CSMD2: variants seen among roughly 807,000 people sequenced by gnomAD.
The protein encoded by CSMD2 is CUB and sushi domain-containing protein 2.
A neutral mutation model predicts 398.5 loss-of-function variants in CSMD2; 130 were observed. The ratio of observed to expected loss-of-function variants is 0.33; its 90% CI spans 0.28 to 0.38. The LOEUF (loss-of-function observed/expected upper bound fraction) is 0.38. Ranked by LOEUF, CSMD2 falls within the 10% of genes least tolerant of loss-of-function variation. CSMD2 has a pLI of 1.00. For missense variants in CSMD2, 3,829 were observed against 4,764.9 expected, an observed-to-expected ratio of 0.80 and a Z score of 5.78; for synonymous variants, 1,828 against 1,908.5, an observed-to-expected ratio of 0.96 and a Z score of 1.10.
intron 13 of CSMD2, among the ~76,000 whole-genome samples, chr1:33,756,859 T>G (rs867350912): frequency 1.8e-3 from 268 of 152,234 alleles, no homozygotes; most frequent in Non-Finnish European, 2.5e-3. Flanking sequence ...CATGCACACG[T>G]ATGTTTATTG....
chr1:34,054,373 C>T (rs768451338), intron 2 of CSMD2, among the ~76,000 whole-genome samples: 1 of 152,124 alleles, frequency 6.6e-6, no homozygotes, highest in African/African-American at 2.4e-5. Flanking sequence ...AGAGAACTTG[C>T]ACTAAAGACA....
chr1:33,644,903 C>A (rs999158540), intron 29 of CSMD2, among the ~76,000 whole-genome samples: 2 of 152,114 alleles, frequency 1.3e-5, no homozygotes, highest in African/African-American at 4.8e-5. Flanking sequence ...CCTAGGCCAG[C>A]CCCGTGAGGC....
At chr1:33,665,780 ATTCTCCCAACACCTATCTAAAGTAGCCTC>A (rs1644290000) in intron 25 of CSMD2, among the ~76,000 whole-genome samples, 1 of 151,830 alleles carries the variant, frequency 6.6e-6, no homozygotes, top group Non-Finnish European at 1.5e-5. Context: ...TTGACACTCA[ATTCTCCCAACACCTATCTAAAGTAGCCTC>A]TTCCACACTT....
At chr1:34,008,461 A>G (rs1032115853) in intron 3 of CSMD2, among the ~76,000 whole-genome samples, 80 of 152,200 alleles carry the variant, frequency 5.3e-4, no homozygotes, top group African/African-American at 1.9e-3. Flanking sequence ...CTGTGAGTCA[A>G]TACAAAGAAC....
At chr1:33,657,604 G>A (rs944771372) in intron 27 of CSMD2, among the ~76,000 whole-genome samples, 1 of 152,168 alleles carries the variant, frequency 6.6e-6, no homozygotes, top group Non-Finnish European at 1.5e-5. Context: ...GGGTCATTTC[G>A]GAATCTGTTA....
intron 1 of CSMD2, among the ~76,000 whole-genome samples, chr1:34,136,113 T>A (rs1638729276): frequency 6.6e-6 from 1 of 152,216 alleles, no homozygotes; most frequent in Admixed American, 6.5e-5. Flanking sequence ...CTGAAGACTA[T>A]CCAGGCCCTG....
chr1:33,836,547 C>A (rs1409606825), intron 6 of CSMD2, among the ~76,000 whole-genome samples: 1 of 152,216 alleles, frequency 6.6e-6, no homozygotes, highest in African/African-American at 2.4e-5. Flanking sequence ...TTTACCTACT[C>A]AAGCCTCAGC....
intron 13 of CSMD2, among the ~76,000 whole-genome samples, chr1:33,761,439 G>A (rs1176754724): frequency 1.3e-5 from 2 of 152,142 alleles, no homozygotes; most frequent in South Asian, 2.1e-4. Context: ...TATTAATCTG[G>A]TCAGCCAGAC....
Position 33,846,898 on chromosome 1 carries a change from C to G in CSMD2, c.1019G>C (p.Ser340Thr). Residue 340 changes from serine to threonine, a missense_variant, in exon 6 of 71, where the codon AGT becomes ACT. Ser to Thr is a moderately conservative substitution (Grantham distance 58). Coordinates refer to ENST00000373381, the MANE Select transcript of CSMD2 (RefSeq NM_001281956.2). Reference protein sequence around the residue: ...SDGNHRQRGFSAQYQVKKQIE... With the variant: ...SDGNHRQRGFTAQYQVKKQIE... Reference sequence around the variant, plus strand: ...GACCTGCCTACCTTGGTATTGGGCACTGAATCCGCGCTGCCGGTGGTTGCC... The same window carrying G: ...GACCTGCCTACCTTGGTATTGGGCAGTGAATCCGCGCTGCCGGTGGTTGCC... The G allele has an allele frequency of 6.2e-7, 1 of 1,602,840 alleles. No homozygotes were observed. The highest frequency in any genetic ancestry group is 8.5e-7 in the Non-Finnish European group (1 of 1,173,920).
At chr1:33,769,337 G>A (rs191801422) in intron 13 of CSMD2, among the ~76,000 whole-genome samples, 2 of 152,292 alleles carry the variant, frequency 1.3e-5, no homozygotes, top group East Asian at 3.9e-4. Flanking sequence ...CCAATGCATG[G>A]TGCTCAGCAC....
At chr1:33,572,402 T>C (rs1171651479) in intron 50 of CSMD2, 104 bp downstream of exon 50, 3 of 1,054,046 alleles carry the variant, frequency 2.8e-6, no homozygotes, top group Non-Finnish European at 4.0e-6. Flanking sequence ...TTTTTTTTTT[T>C]TTTTCCCCCT....
intron 3 of CSMD2, among the ~76,000 whole-genome samples, chr1:33,996,216 T>C (rs735233): frequency 0.043 from 6,590 of 152,268 alleles, 490 homozygotes; most frequent in African/African-American, 0.15. Context: ...GCAATCACCA[T>C]GCCCTCTGGC....
At position 33,623,474 on chromosome 1, in the gene CSMD2, G is replaced by A. The variant is rs372557885; in HGVS notation, c.5626-8C>T. On this transcript the variant is annotated splice_region_variant and splice_polypyrimidine_tract_variant and intron_variant, in intron 35 of 70. Transcript: ENST00000373381. ...AAAACTGACAACTTGGATCTGGGAA[G>A]GGAGAAGAGTGAATTGTTGGTTAGG... 4.3e-6 allele frequency: 7 copies of A among 1,610,740 alleles called. No individual in the cohort carries two copies. In the African/African-American group the frequency reaches 9.4e-5, roughly 22 times the overall value.
chr1:33,617,424 C>T, intron 38 of CSMD2, 75 bp downstream of exon 38: 1 of 1,105,476 alleles, frequency 9.0e-7, no homozygotes, highest in African/African-American at 1.5e-5. Flanking sequence ...GTGACTGTAG[C>T]TCTGCTGGTG....
At chr1:33,970,903 T>G (rs1443624339) in intron 3 of CSMD2, among the ~76,000 whole-genome samples, 1 of 152,224 alleles carries the variant, frequency 6.6e-6, no homozygotes, top group Non-Finnish European at 1.5e-5. Context: ...ACCAACCATG[T>G]GCATTGTTGC....
intron 5 of CSMD2, among the ~76,000 whole-genome samples, chr1:33,874,676 CAG>C (rs1266567809): frequency 6.6e-6 from 1 of 152,164 alleles, no homozygotes; most frequent in Admixed American, 6.5e-5. Context: ...GGTTAGCACC[CAG>C]AGAGTTTGAT....
At chr1:33,789,892 T>G (rs113983543) in intron 11 of CSMD2, among the ~76,000 whole-genome samples, 445 of 152,306 alleles carry the variant, frequency 2.9e-3, no homozygotes, top group South Asian at 9.1e-3. Flanking sequence ...TTGACCCAAT[T>G]ACAGCACCAG....
intron 60 of CSMD2, 146 bp downstream of exon 60, chr1:33,540,379 C>G: frequency 1.4e-6 from 1 of 735,030 alleles, no homozygotes; most frequent in Non-Finnish European, 2.2e-6. Context: ...ACTTCCTTCC[C>G]TCTTTAATAG....
At chr1:33,669,768 A>C (rs746400419) in intron 25 of CSMD2, among the ~76,000 whole-genome samples, 1 of 152,228 alleles carries the variant, frequency 6.6e-6, no homozygotes. Context: ...GGTGGGCCGT[A>C]AATCCAATGA....
Sources: gnomAD v4.1 joint callset for allele counts (sites outside exome capture counted in the v4.1 genomes callset) on GRCh38, gnomAD v4.1.1 for gene constraint, MANE v1.5 for transcripts, NCBI Gene and HGNC (gene_info 2026-07-23, HGNC 2026-07-21) for gene names.